RNF157: variants seen among roughly 807,000 people sequenced by gnomAD.
RNF157 encodes E3 ubiquitin ligase RNF157.
Under a neutral mutation model 88.3 loss-of-function variants are expected in RNF157, and 55 were observed. The ratio of observed to expected loss-of-function variants is 0.62; its 90% confidence interval spans 0.50 to 0.78. RNF157 has a LOEUF of 0.78. Among genes scored for constraint, RNF157 ranks in the 30% least tolerant of loss-of-function variants. RNF157 has a pLI of 0.00. For synonymous variants in RNF157, 334 were observed against 341.2 expected, an observed-to-expected ratio of 0.98 and a Z score of 0.23; for missense variants, 788 against 860.8, an observed-to-expected ratio of 0.92 and a Z score of 1.06.
rs71161271 is a variant in RNF157 at position 76,185,475 on chromosome 17, C to CTTTTTTTTTTTTTTTT, written c.208-11686_208-11685insAAAAAAAAAAAAAAAA. On this transcript the variant is annotated intron_variant, in intron 2 of 18. Transcript: ENST00000269391. ...ACTAGTGGTCAGAGATTAGTCCTTT[C>CTTTTTTTTTTTTTTTT]TTTTTTTTTTTTGAGACGGAGTCTC... is the stretch of plus-strand genomic sequence containing the variant. Among the ~76,000 whole-genome samples, 144 of 141,828 alleles carry CTTTTTTTTTTTTTTTT rather than the reference C, an allele frequency of 1.0e-3. 6 individuals carry two copies. Among genetic ancestry groups the CTTTTTTTTTTTTTTTT allele is most frequent in the Middle Eastern group, 7.0e-3 (2 of 284 alleles). The allele number at this position is 141,828 out of a possible 152,430, so 93.0% of individuals were successfully genotyped here.
rs2068784946 is a variant in RNF157 at position 76,157,467 on chromosome 17, C to T, written c.1413+926G>A. Among the ~76,000 whole-genome samples the T allele has an allele frequency of 6.6e-6, 1 of 152,224 alleles. No individual in the cohort carries two copies. The highest frequency in any genetic ancestry group is 2.4e-5 in the African/African-American group (1 of 41,466). On this transcript the variant is annotated intron_variant, in intron 13 of 18. Coordinates refer to ENST00000269391, the MANE Select transcript of RNF157 (RefSeq NM_052916.3). The surrounding 1 kb of genome is among the most constrained non-coding windows in gnomAD (Gnocchi z 5.6). ...TTCTCCACATGGATGTTTCTCTCACCTCTTTCTCCATGTCTAAAAAACTTC... is the reference window on the plus strand; with the variant it reads ...TTCTCCACATGGATGTTTCTCTCACTTCTTTCTCCATGTCTAAAAAACTTC...
In RNF157 at chr17:76,157,110, GTGCA is replaced by G. The variant is rs1299999452; in HGVS notation, c.1414-793_1414-790del. Among the ~76,000 whole-genome samples, 1 of 151,266 alleles carries G rather than the reference GTGCA, an allele frequency of 6.6e-6. No individual in the cohort carries two copies. The highest frequency in any genetic ancestry group is 1.9e-4 in the East Asian group (1 of 5,192). ...GCCTCCCGAGTAGCTGGGACTACAG[GTGCA>G]TGCCACCACACCTGGCTAATTTTTT... is the stretch of plus-strand genomic sequence containing the variant. On this transcript the variant is annotated intron_variant, in intron 13 of 18. Transcript: ENST00000269391. The surrounding 1 kb of genome is among the most constrained non-coding windows in gnomAD (Gnocchi z 5.6).
In RNF157 at chr17:76,187,646, T is replaced by G. The variant is rs1026697084; in HGVS notation, c.208-13856A>C. Among the ~76,000 whole-genome samples the G allele has an allele frequency of 3.3e-5, 5 of 152,186 alleles. No individual in the cohort carries two copies. The East Asian group carries it at 7.7e-4, about 24-fold the overall frequency. The stretch of plus-strand genomic sequence containing the variant: ...TCTCACTCTGTCGCCCAGGCTGGAG[T>G]GCAGTGTGGCAATCTCAGCTCACTG... On this transcript the variant is annotated intron_variant, in intron 2 of 18. Coordinates refer to ENST00000269391, the MANE Select transcript of RNF157 (RefSeq NM_052916.3).
At chr17:76,208,973 C>CAA (rs10699377) in intron 2 of RNF157, among the ~76,000 whole-genome samples, 4,464 of 120,010 alleles carry the variant, frequency 0.037, 229 homozygotes, top group African/African-American at 0.12. Flanking sequence ...GACTCTGCCT[C>CAA]AAAAAAAAAA....
In RNF157 at chr17:76,226,033, G is replaced by C. The variant is rs928906436; in HGVS notation, c.89-13551C>G. 50 of 1,611,078 alleles carry C rather than the reference G, an allele frequency of 3.1e-5. No homozygotes were observed. In the African/African-American group the frequency reaches 6.0e-4, roughly 19 times the overall value. On this transcript the variant is annotated intron_variant, in intron 1 of 18. Coordinates refer to ENST00000269391, the MANE Select transcript of RNF157 (RefSeq NM_052916.3). ...TCTCTCCAGGAGGATCGTAAGGTTT[G>C]GGGTGGGCAGACCCACAGAGAACAC...
intron 1 of RNF157, among the ~76,000 whole-genome samples, chr17:76,235,673 C>CT (rs1157565125): frequency 6.6e-6 from 1 of 152,058 alleles, no homozygotes; most frequent in Non-Finnish European, 1.5e-5. Context: ...TATGTGTACT[C>CT]TAAAATAACA....
chr17:76,189,835 C>CAAACAAAT (rs59153651), intron 2 of RNF157, among the ~76,000 whole-genome samples: 50,662 of 151,612 alleles, frequency 0.33, 9,366 homozygotes, highest in African/African-American at 0.51. Context: ...AGAACACAAA[C>CAAACAAAT]AAAAACAACT....
At chr17:76,212,854 C>CT (rs2069826270) in intron 1 of RNF157, among the ~76,000 whole-genome samples, 1 of 152,146 alleles carries the variant, frequency 6.6e-6, no homozygotes, top group Non-Finnish European at 1.5e-5. Flanking sequence ...GAGTGAGACT[C>CT]TGTTTCAAAA....
At chr17:76,233,941 T>C (rs763457258) in intron 1 of RNF157, among the ~76,000 whole-genome samples, 4 of 152,208 alleles carry the variant, frequency 2.6e-5, no homozygotes, top group Non-Finnish European at 5.9e-5. Context: ...TATACAACTA[T>C]TCACCACTAT....
intron 18 of RNF157, 34 bp downstream of exon 18, chr17:76,152,321 C>T: frequency 7.5e-7 from 1 of 1,335,650 alleles, no homozygotes. Flanking sequence ...GGATCGTCTC[C>T]CACCAAGTTC....
chr17:76,191,228 T>C (rs1272354735), intron 2 of RNF157, among the ~76,000 whole-genome samples: 1 of 151,944 alleles, frequency 6.6e-6, no homozygotes, highest in African/African-American at 2.4e-5. Context: ...ATAATCCCAG[T>C]ACTTTGGGAA....
intron 2 of RNF157, among the ~76,000 whole-genome samples, chr17:76,196,331 T>A (rs113838641): frequency 1.8e-4 from 28 of 152,108 alleles, no homozygotes; most frequent in African/African-American, 4.8e-4. Context: ...AGGACAGAAG[T>A]TAGGATTGCG....
intron 2 of RNF157, among the ~76,000 whole-genome samples, chr17:76,207,737 TAG>T (rs1197920113): frequency 6.6e-6 from 1 of 152,184 alleles, no homozygotes; most frequent in East Asian, 1.9e-4. Context: ...GATCTTTTGC[TAG>T]AGAGTGGAAG....
chr17:76,166,541 A>C lies in RNF157; in HGVS notation c.562-14T>G. 2 of 1,610,696 alleles carry C rather than the reference A, an allele frequency of 1.2e-6. No individual in the cohort carries two copies. The highest frequency in any genetic ancestry group is 1.7e-6 in the Non-Finnish European group (2 of 1,176,980). On this transcript the variant is annotated splice_polypyrimidine_tract_variant and intron_variant, in intron 5 of 18. Transcript: ENST00000269391. Reference sequence around the variant, plus strand: ...ATCAAAGCCAAGCTGAAGGGAAAGAAAAGGAAAGGAAAAAAAAAGAGGACT... The same window carrying C: ...ATCAAAGCCAAGCTGAAGGGAAAGACAAGGAAAGGAAAAAAAAAGAGGACT...
intron 2 of RNF157, among the ~76,000 whole-genome samples, chr17:76,196,860 G>A (rs2069485984): frequency 6.6e-6 from 1 of 152,186 alleles, no homozygotes; most frequent in South Asian, 2.1e-4. Flanking sequence ...TTGAGATGAA[G>A]CAACTCTGTG....
At chr17:76,196,989 C>T (rs1022883623) in intron 2 of RNF157, among the ~76,000 whole-genome samples, 1 of 152,244 alleles carries the variant, frequency 6.6e-6, no homozygotes, top group Non-Finnish European at 1.5e-5. Flanking sequence ...CTCTAGAGAG[C>T]ATTCCCTCAA....
At chr17:76,156,629 C>T (rs746412724) in intron 13 of RNF157, 313 of 614,424 alleles carry the variant, frequency 5.1e-4, no homozygotes, top group Non-Finnish European at 6.1e-4. Flanking sequence ...GACATGGGGA[C>T]ACCCCAGGTT....
Position 76,191,600 on chromosome 17 carries a change from C to CAA in RNF157, c.208-17812_208-17811dup, listed in dbSNP as rs71363619. Among the ~76,000 whole-genome samples, 151 of 64,956 alleles carry CAA rather than the reference C, an allele frequency of 2.3e-3. 2 individuals are homozygous for CAA. The highest frequency in any genetic ancestry group is 3.8e-3 in the African/African-American group (67 of 17,588). The allele number at this position is 64,956 out of a possible 152,430, so 42.6% of individuals were successfully genotyped here. ...TGGGCGACAGAGCAAGACTCCGCCT[C>CAA]AAAAAAAAAAAAAAAAAAAAAACAT... On this transcript the variant is annotated intron_variant, in intron 2 of 18. Coordinates refer to ENST00000269391, the MANE Select transcript of RNF157 (RefSeq NM_052916.3).
At chr17:76,210,681 T>C (rs1598433011) in intron 2 of RNF157, among the ~76,000 whole-genome samples, 1 of 149,454 alleles carries the variant, frequency 6.7e-6, no homozygotes, top group East Asian at 2.0e-4. Flanking sequence ...TGGAAGACCA[T>C]CATCAGATCA....
Sources: allele counts gnomAD v4.1 joint callset (sites outside exome capture counted in the v4.1 genomes callset), GRCh38; gene constraint gnomAD v4.1.1; non-coding constraint Gnocchi (gnomAD v3.1); transcripts MANE v1.5; gene names NCBI Gene and HGNC (gene_info 2026-07-23, HGNC 2026-07-21).